The following DNAAF9 variants were observed in gnomAD, a reference collection of about 807,000 sequenced individuals.
The protein encoded by DNAAF9 is shulin.
Under a neutral mutation model 167.0 loss-of-function variants are expected in DNAAF9, and 90 were observed. The ratio of observed to expected loss-of-function variants is 0.54; its 90% confidence interval spans 0.45 to 0.64. The LOEUF (loss-of-function observed/expected upper bound fraction) is 0.64. Ranked by LOEUF, DNAAF9 falls within the 30% of genes least tolerant of loss-of-function variation. The pLI is 0.00. For missense variants in DNAAF9, 1,315 were observed against 1,442.2 expected (o/e 0.91, Z 1.43); for synonymous variants, 491 against 508.8 (o/e 0.96, Z 0.47).
At chr20:3,364,136 C>CT (rs1336201262) in intron 6 of DNAAF9, among the ~76,000 whole-genome samples, 1 of 152,094 alleles carries the variant, frequency 6.6e-6, no homozygotes, top group African/African-American at 2.4e-5. Context: ...ATGGCTCAGT[C>CT]TTTCCTCTAG....
intron 3 of DNAAF9, among the ~76,000 whole-genome samples, chr20:3,376,578 A>G (rs1376573396): frequency 6.6e-6 from 1 of 152,232 alleles, no homozygotes; most frequent in East Asian, 1.9e-4. Flanking sequence ...ATGGCTGGAT[A>G]ACAGCTTGAT....
intron 20 of DNAAF9, among the ~76,000 whole-genome samples, chr20:3,308,339 T>C (rs1344102714): frequency 1.6e-5 from 2 of 124,816 alleles, no homozygotes; most frequent in Non-Finnish European, 3.3e-5. Flanking sequence ...TACAAAACTT[T>C]ACTTTTTTTT....
rs386393120 is a variant in DNAAF9 at position 3,268,897 on chromosome 20, C to CTTTTTTTTTTTTTTTTTTTTTTT, written c.2786+1507_2786+1529dup. Among the ~76,000 whole-genome samples the CTTTTTTTTTTTTTTTTTTTTTTT allele has an allele frequency of 4.9e-4, 42 of 85,842 alleles. 10 individuals are homozygous for CTTTTTTTTTTTTTTTTTTTTTTT. The highest frequency in any genetic ancestry group is 5.8e-4 in the Non-Finnish European group (27 of 46,586). 56.3% of individuals were successfully genotyped at this position (85,842 alleles called of 152,430 possible). On this transcript the variant is annotated intron_variant, in intron 30 of 36. Coordinates refer to ENST00000252032, the MANE Select transcript of DNAAF9 (RefSeq NM_001009984.3). ...GTAAAGAGATAATATCTCTATGTTA[C>CTTTTTTTTTTTTTTTTTTTTTTT]TTTTTTTTTTTTTTTTTTTTTTTTG... is the stretch of plus-strand genomic sequence containing the variant.
rs558203544 is a variant in DNAAF9 at position 3,257,486 on chromosome 20, T to C, written c.3056-1275A>G. 5.9e-5 allele frequency among the ~76,000 whole-genome samples: 9 copies of C among 152,244 alleles called. 1 individual carries two copies. In the East Asian group the frequency reaches 9.6e-4, roughly 16 times the overall value. On this transcript the variant is annotated intron_variant, in intron 33 of 36. Transcript: ENST00000252032. The stretch of plus-strand genomic sequence containing the variant: ...GAGATCAAACCACTATACTCTGGAT[T>C]AGGTGACAAAGTGAGACATTGTCTC...
At position 3,290,217 on chromosome 20, in the gene DNAAF9, C is replaced by T. The variant is rs1342335123; in HGVS notation, c.2239G>A (p.Val747Ile). The T allele has an allele frequency of 1.9e-6, 3 of 1,599,008 alleles. No individual in the cohort carries two copies. In the South Asian group the frequency reaches 3.3e-5, roughly 18 times the overall value. The change falls in exon 26 of 37, where the codon GTA (valine) becomes ATA (isoleucine). Residue 747 changes from valine to isoleucine, a missense_variant and splice_region_variant. By Grantham distance (29) the Val-to-Ile change is conservative. Transcript: ENST00000252032. Reference sequence around the variant, plus strand: ...AGGCCGGTTACAATGCTGATAATTACCTACATGAAGAAAAAGTCATGGGTT... The same window carrying T: ...AGGCCGGTTACAATGCTGATAATTATCTACATGAAGAAAAAGTCATGGGTT... ...NTTHRIESDKVIISIVTGLPG... is the reference protein window; with the variant it reads ...NTTHRIESDKIIISIVTGLPG...
At chr20:3,274,150 T>G (rs1600687495) in intron 29 of DNAAF9, among the ~76,000 whole-genome samples, 2 of 152,168 alleles carry the variant, frequency 1.3e-5, no homozygotes, top group South Asian at 4.1e-4. Context: ...ATTTTTATTT[T>G]TATTTTTTTT....
intron 10 of DNAAF9, 101 bp downstream of exon 10, chr20:3,340,403 A>G: frequency 1.1e-6 from 1 of 951,400 alleles, no homozygotes; most frequent in Non-Finnish European, 1.6e-6. Context: ...AAATCAACAC[A>G]CTAACTGGAA....
rs2083465584 is a variant in DNAAF9, at chr20:3,368,698, T to TA, written c.612+5349dup. Among the ~76,000 whole-genome samples, 3 of 151,822 alleles carry TA rather than the reference T, an allele frequency of 2.0e-5. No individual in the cohort carries two copies. In the South Asian group the frequency reaches 6.2e-4, roughly 32 times the overall value. On this transcript the variant is annotated intron_variant, in intron 6 of 36. Coordinates refer to ENST00000252032, the MANE Select transcript of DNAAF9 (RefSeq NM_001009984.3). ...CGGCTAATTTTTGTATTTTTTTTTTTAAGTAGAGACAGGGTTTCACCGTGT... is the reference window on the plus strand; with the variant it reads ...CGGCTAATTTTTGTATTTTTTTTTTTAAAGTAGAGACAGGGTTTCACCGTGT...
In DNAAF9 at chr20:3,294,929, G is replaced by A. The variant is rs189738765; in HGVS notation, c.2019-300C>T. On this transcript the variant is annotated intron_variant, in intron 23 of 36. Coordinates refer to ENST00000252032, the MANE Select transcript of DNAAF9 (RefSeq NM_001009984.3). ...TGCCCAGGCTGGAGTGCAGTGGTGCGATCTCGGCTCACTGCAAGCTCCGCC... is the reference window on the plus strand; with the variant it reads ...TGCCCAGGCTGGAGTGCAGTGGTGCAATCTCGGCTCACTGCAAGCTCCGCC... Among the ~76,000 whole-genome samples, 842 of 151,754 alleles carry A rather than the reference G, an allele frequency of 5.5e-3. 3 individuals carry two copies. Among genetic ancestry groups the A allele is most frequent in the South Asian group, 0.015 (71 of 4,794 alleles).
intron 29 of DNAAF9, among the ~76,000 whole-genome samples, chr20:3,271,954 A>G (rs1022197386): frequency 2.6e-5 from 4 of 152,068 alleles, no homozygotes; most frequent in African/African-American, 9.7e-5. Context: ...TCAAACATAC[A>G]CAACTAGAAA....
chr20:3,376,436 T>G lies in DNAAF9; in HGVS notation c.284-134A>C. 2.9e-5 allele frequency: 22 copies of G among 746,360 alleles called. No homozygotes were observed. In the South Asian group the frequency reaches 4.3e-4, roughly 15 times the overall value. The allele number at this position is 746,360 out of a possible 1,614,324, so 46.2% of individuals were successfully genotyped here. ...ACAAAACTCTAAACTGAAAATTATT[T>G]AATTAAGCACTGTGCCTTGTAAACC... is the stretch of plus-strand genomic sequence containing the variant. On this transcript the variant is annotated intron_variant, in intron 3 of 36. Transcript: ENST00000252032.
At chr20:3,349,777 A>C (rs2070278218) in intron 7 of DNAAF9, among the ~76,000 whole-genome samples, 1 of 152,136 alleles carries the variant, frequency 6.6e-6, no homozygotes, top group African/African-American at 2.4e-5. Flanking sequence ...AAACCCCACC[A>C]ATTAGGACTT....
chr20:3,298,221 AT>A, intron 21 of DNAAF9, 46 bp from the exon 22 acceptor site: 1 of 1,536,034 alleles, frequency 6.5e-7, no homozygotes, highest in Non-Finnish European at 8.9e-7. Flanking sequence ...CATCTGCACA[AT>A]TACAGCACTC....
intron 1 of DNAAF9, among the ~76,000 whole-genome samples, chr20:3,385,357 C>T (rs1318005771): frequency 6.6e-6 from 1 of 152,074 alleles, no homozygotes; most frequent in Non-Finnish European, 1.5e-5. Flanking sequence ...TACCAAAATT[C>T]CTAGAACTAA....
At chr20:3,258,472 T>C (rs2068321303) in intron 33 of DNAAF9, among the ~76,000 whole-genome samples, 2 of 152,042 alleles carry the variant, frequency 1.3e-5, no homozygotes, top group Admixed American at 1.3e-4. Context: ...CAATACCCCA[T>C]GGGTGATGGG....
intron 35 of DNAAF9, 85 bp from the exon 36 acceptor site, chr20:3,253,904 T>A: frequency 1.3e-6 from 1 of 797,392 alleles, no homozygotes; most frequent in Non-Finnish European, 2.2e-6. Context: ...TCTATTTCCC[T>A]AGCAAGATAG....
intron 6 of DNAAF9, among the ~76,000 whole-genome samples, chr20:3,366,724 A>C (rs2083437151): frequency 6.6e-6 from 1 of 152,118 alleles, no homozygotes; most frequent in African/African-American, 2.4e-5. Flanking sequence ...CAGGAGTTCA[A>C]GACCAGTCCT....
chr20:3,324,169 A>C (rs2069669429), intron 14 of DNAAF9, among the ~76,000 whole-genome samples: 2 of 152,320 alleles, frequency 1.3e-5, no homozygotes, highest in African/African-American at 4.8e-5. Flanking sequence ...TTGTTAGACC[A>C]ATTAATTGAC....
chr20:3,254,223 C>A (rs1424741792), intron 35 of DNAAF9, among the ~76,000 whole-genome samples: 4 of 152,174 alleles, frequency 2.6e-5, no homozygotes, highest in African/African-American at 9.7e-5. Flanking sequence ...GGATTACAGG[C>A]ATGCGCCACC....
Sources: allele counts gnomAD v4.1 joint callset (sites outside exome capture counted in the v4.1 genomes callset), GRCh38; gene constraint gnomAD v4.1.1; transcripts MANE v1.5; gene names NCBI Gene and HGNC (gene_info 2026-07-23, HGNC 2026-07-21).